Variants in ATF7IP2 observed in about 807,000 individuals in gnomAD.
ATF7IP2 encodes the protein activating transcription factor 7 interacting protein 2.
Under a neutral mutation model 64.2 loss-of-function variants are expected in ATF7IP2, and 42 were observed. The ratio of observed to expected loss-of-function variants is 0.65; its 90% CI spans 0.51 to 0.85. ATF7IP2 has a LOEUF of 0.85. Among genes scored for constraint, ATF7IP2 ranks in the 40% least tolerant of loss-of-function variants. The pLI is 0.00. For missense variants in ATF7IP2, 933 were observed against 784.2 expected, an observed-to-expected ratio of 1.19 and a Z score of -2.27; for synonymous variants, 308 against 272.8, an observed-to-expected ratio of 1.13 and a Z score of -1.27.
At chr16:10,434,102 T>C (rs1567456624) in intron 6 of ATF7IP2, among the ~76,000 whole-genome samples, 3 of 152,224 alleles carry the variant, frequency 2.0e-5, no homozygotes, top group Non-Finnish European at 4.4e-5. Context: ...TCCCTGTGCA[T>C]TCAGGTTTAC....
chr16:10,475,837 C>T (rs1470667887), intron 12 of ATF7IP2, among the ~76,000 whole-genome samples: 1 of 150,182 alleles, frequency 6.7e-6, no homozygotes, highest in East Asian at 2.0e-4. Context: ...ATGGTCCAAA[C>T]ACTCCATTGA....
At chr16:10,392,921 G>C (rs2047355648) in intron 1 of ATF7IP2, among the ~76,000 whole-genome samples, 1 of 152,006 alleles carries the variant, frequency 6.6e-6, no homozygotes, top group Non-Finnish European at 1.5e-5. Flanking sequence ...CGGAGGTTGA[G>C]GCTGCAGTAA....
At chr16:10,408,396 G>A (rs2047685591) in intron 1 of ATF7IP2, among the ~76,000 whole-genome samples, 1 of 152,124 alleles carries the variant, frequency 6.6e-6, no homozygotes, top group Non-Finnish European at 1.5e-5. Flanking sequence ...TCTACTTTTA[G>A]TTCTTTAAGG....
At chr16:10,452,063 A>G (rs1364105760) in intron 8 of ATF7IP2, among the ~76,000 whole-genome samples, 1 of 151,894 alleles carries the variant, frequency 6.6e-6, no homozygotes, top group Admixed American at 6.6e-5. Flanking sequence ...AAAAAAAAAA[A>G]GTGCTCCTTT....
At position 10,430,771 on chromosome 16, in the gene ATF7IP2, C is replaced by G. The variant is rs1225444584; in HGVS notation, c.151C>G (p.Gln51Glu). The G allele has an allele frequency of 1.2e-6, 2 of 1,607,736 alleles. No homozygotes were observed. The highest frequency in any genetic ancestry group is 2.7e-5 in the African/African-American group (2 of 72,830). Residue 51 changes from glutamine to glutamate, a missense_variant, in exon 5 of 14, where the codon CAG (glutamine) becomes GAG (glutamate). Physicochemically the swap from Gln to Glu is conservative, Grantham distance 29. Transcript: ENST00000562102. ...TGGGAGTAATGTTCCAAGCGGTAATCAGAGTTTCAGTCCTAGTGTCATAAC... is the reference window on the plus strand; with the variant it reads ...TGGGAGTAATGTTCCAAGCGGTAATGAGAGTTTCAGTCCTAGTGTCATAAC... The part of the protein sequence containing the change: ...AIGSNVPSGN[Q>E]SFSPSVITRT...
At chr16:10,410,723 C>G (rs912026925) in intron 1 of ATF7IP2, among the ~76,000 whole-genome samples, 2 of 152,122 alleles carry the variant, frequency 1.3e-5, no homozygotes, top group Non-Finnish European at 2.9e-5. Context: ...TGCGCCTGGC[C>G]TATGTTGGCA....
chr16:10,390,992 A>T (rs2047310123), intron 1 of ATF7IP2, among the ~76,000 whole-genome samples: 1 of 151,336 alleles, frequency 6.6e-6, no homozygotes. Flanking sequence ...ATGAGACCCC[A>T]TCGCTATGAA....
Position 10,479,164 on chromosome 16 carries a change from G to C in ATF7IP2, c.1550-1715G>C, listed in dbSNP as rs545481990. On this transcript the variant is annotated intron_variant, in intron 12 of 13. Coordinates refer to ENST00000562102, the MANE Select transcript of ATF7IP2 (RefSeq NM_001393719.1). ...TCCCATTACTGGGTATATACCCAAA[G>C]GACTATAAATCATGCTGCTATAAAG... 5.7e-3 allele frequency among the ~76,000 whole-genome samples: 855 copies of C among 150,172 alleles called. 5 individuals carry two copies. Among genetic ancestry groups the C allele is most frequent in the African/African-American group, 0.02 (818 of 40,640 alleles).
intron 1 of ATF7IP2, among the ~76,000 whole-genome samples, chr16:10,405,319 G>C (rs1171815032): frequency 6.6e-6 from 1 of 151,606 alleles, no homozygotes; most frequent in Non-Finnish European, 1.5e-5. Context: ...GCAGTGAGCC[G>C]AGATCATACC....
At chr16:10,401,457 T>G (rs1487956482) in intron 1 of ATF7IP2, among the ~76,000 whole-genome samples, 1 of 152,164 alleles carries the variant, frequency 6.6e-6, no homozygotes, top group Non-Finnish European at 1.5e-5. Context: ...CGTGAGCCAC[T>G]GTGCTTGGCC....
chr16:10,439,396 C>T (rs900384702), intron 7 of ATF7IP2, among the ~76,000 whole-genome samples: 5 of 151,730 alleles, frequency 3.3e-5, no homozygotes, highest in Admixed American at 2.0e-4. Flanking sequence ...CCACCGTGCC[C>T]GGCTAATTTT....
At chr16:10,420,797 C>G (rs1368441799) in intron 3 of ATF7IP2, among the ~76,000 whole-genome samples, 1 of 152,204 alleles carries the variant, frequency 6.6e-6, no homozygotes. Context: ...ATATCGAAGG[C>G]AGTCAATACC....
chr16:10,434,865 T>C lies in ATF7IP2; in HGVS notation c.960+1216T>C, dbSNP rs1259318538. ...CAGACTGGAGTGCAGTGGCACAGTC[T>C]CGGCTCAGTGCTACCTCCACCTCCT... On this transcript the variant is annotated intron_variant, in intron 6 of 13. Coordinates refer to ENST00000562102, the MANE Select transcript of ATF7IP2 (RefSeq NM_001393719.1). Among the ~76,000 whole-genome samples, 3 of 152,314 alleles carry C rather than the reference T, an allele frequency of 2.0e-5. No homozygotes were observed. In the East Asian group the frequency reaches 5.8e-4, roughly 29 times the overall value.
Position 10,431,146 on chromosome 16 carries a change from G to T in ATF7IP2, c.526G>T (p.Gly176Cys), listed in dbSNP as rs1285575914. 1 of 1,614,186 alleles carries T rather than the reference G, an allele frequency of 6.2e-7. No homozygotes were observed. Among genetic ancestry groups the T allele is most frequent in the South Asian group, 1.1e-5 (1 of 91,082 alleles). Residue 176 changes from glycine (G) to cysteine (C), a missense_variant, in exon 5 of 14, where the codon GGT (glycine) becomes TGT (cysteine). Transcript: ENST00000562102. ...TTGCTGTCCACCCAGTGTATTGAGT[G>T]GTGTTGTTCAGATGCCAGAGTCTAC... Reference protein sequence around the residue: ...SSCCPPSVLSGVVQMPESTVT... With the variant: ...SSCCPPSVLSCVVQMPESTVT...
At chr16:10,450,648 T>G (rs960198509) in intron 8 of ATF7IP2, among the ~76,000 whole-genome samples, 2 of 152,196 alleles carry the variant, frequency 1.3e-5, no homozygotes, top group African/African-American at 2.4e-5. Flanking sequence ...TGCTTTTTTT[T>G]TTGTTTTCCA....
chr16:10,433,361 G>C (rs1297838600), intron 5 of ATF7IP2, among the ~76,000 whole-genome samples, 164 bp from the exon 6 acceptor site: 1 of 152,048 alleles, frequency 6.6e-6, no homozygotes, highest in Non-Finnish European at 1.5e-5. Context: ...TTTTTGTGGA[G>C]ATGAATTTTC....
Position 10,430,779 on chromosome 16 carries a change from C to T in ATF7IP2, c.159C>T (p.Phe53=), listed in dbSNP as rs769384529. 8.9e-5 allele frequency: 141 copies of T among 1,590,888 alleles called. No homozygotes were observed. Among genetic ancestry groups the T allele is most frequent in the Non-Finnish European group, 1.1e-4 (126 of 1,171,214 alleles). The change falls in exon 5 of 14, where the codon TTC becomes TTT. Residue 53 remains phenylalanine (F), a synonymous_variant. Coordinates refer to ENST00000562102, the MANE Select transcript of ATF7IP2 (RefSeq NM_001393719.1). ...ATGTTCCAAGCGGTAATCAGAGTTT[C>T]AGTCCTAGTGTCATAACTAGGACGA... ...GSNVPSGNQS[F]SPSVITRTTE...
chr16:10,430,696 G>C lies in ATF7IP2; in HGVS notation c.76G>C (p.Val26Leu). 1 of 1,614,166 alleles carries C rather than the reference G, an allele frequency of 6.2e-7. No individual in the cohort carries two copies. Among genetic ancestry groups the C allele is most frequent in the Non-Finnish European group, 8.5e-7 (1 of 1,180,030 alleles). Residue 26 changes from valine (V) to leucine (L), a missense_variant, in exon 5 of 14, where the codon GTA (valine) becomes CTA (leucine). Val to Leu is a conservative substitution (Grantham distance 32). Transcript: ENST00000562102. ...KTMPLSCRKQ[V>L]EMLNKSRNVE... is the part of the protein sequence containing the mutation. ...AATGCCCCTAAGTTGCCGGAAGCAA[G>C]TAGAGATGCTGAATAAGTCAAGGAA...
chr16:10,423,902 G>C (rs1474992688), intron 3 of ATF7IP2, among the ~76,000 whole-genome samples: 1 of 152,170 alleles, frequency 6.6e-6, no homozygotes, highest in Non-Finnish European at 1.5e-5. Flanking sequence ...GTAGTTCCAT[G>C]TTCTCCAGTC....
Sources: allele counts gnomAD v4.1 joint callset (sites outside exome capture counted in the v4.1 genomes callset), GRCh38; gene constraint gnomAD v4.1.1; transcripts MANE v1.5; gene names NCBI Gene and HGNC (gene_info 2026-07-23, HGNC 2026-07-21).